RAB11FIP1: variants seen among roughly 807,000 people sequenced by gnomAD.
RAB11FIP1 encodes the protein RAB11 family interacting protein 1, also known as rab11 family-interacting protein 1.
A neutral mutation model predicts 83.1 loss-of-function variants in RAB11FIP1; 49 were observed. The ratio of observed to expected loss-of-function variants is 0.59; its 90% confidence interval spans 0.47 to 0.75. The LOEUF is 0.75. Among genes scored for constraint, RAB11FIP1 ranks in the 30% least tolerant of loss-of-function variants. The probability of loss-of-function intolerance (pLI) is 0.00; values close to 1 mark genes in which losing one functional copy is unlikely to be tolerated. For synonymous variants in RAB11FIP1, 670 were observed against 656.0 expected (o/e 1.02, Z -0.33); for missense variants, 1,536 against 1,598.7 (o/e 0.96, Z 0.67).
chr8:37,896,654 A>G (rs1395315143), intron 1 of RAB11FIP1, among the ~76,000 whole-genome samples: 1 of 152,214 alleles, frequency 6.6e-6, no homozygotes, highest in Non-Finnish European at 1.5e-5. Flanking sequence ...TTCCTGAAAA[A>G]AAGAGAGCTC....
At chr8:37,867,181 C>T (rs1306023316) in intron 5 of RAB11FIP1, among the ~76,000 whole-genome samples, 1 of 152,206 alleles carries the variant, frequency 6.6e-6, no homozygotes, top group Non-Finnish European at 1.5e-5. Context: ...CCCCAATTTT[C>T]ATTGCTGTCC....
At chr8:37,894,231 T>C (rs943037341) in intron 1 of RAB11FIP1, among the ~76,000 whole-genome samples, 3 of 152,230 alleles carry the variant, frequency 2.0e-5, no homozygotes, top group African/African-American at 7.2e-5. Flanking sequence ...CCTAAAGGTA[T>C]AAAAACAAAC....
rs1806192286 is a variant in RAB11FIP1, at chr8:37,859,437, C to G, written c.*3458G>C. On this transcript the variant is annotated 3_prime_UTR_variant, in exon 6 of 6. Coordinates refer to ENST00000330843, the MANE Select transcript of RAB11FIP1 (RefSeq NM_001002814.3). ...TTCTTCATACCGGCATGTGCACACA[C>G]ACCTGTATCTCCTTCATACAGGCAT... 6.6e-6 allele frequency: 1 copy of G among 152,226 alleles called. No individual in the cohort carries two copies. 9.4% of individuals were successfully genotyped at this position (152,226 alleles called of 1,614,324 possible).
rs769171713 is a variant in RAB11FIP1 at position 37,871,968 on chromosome 8, G to C, written c.2834C>G (p.Ser945Ter). 1 of 1,614,186 alleles carries C rather than the reference G, an allele frequency of 6.2e-7. No individual in the cohort carries two copies. The highest frequency in any genetic ancestry group is 8.5e-7 in the Non-Finnish European group (1 of 1,180,044). ...GGCCATGATTGGAGATTTAAAATCT[G>C]AGACCAACTGAAGGTCACTCAAGGG... ...SDPLSDLQLV[S>*]DFKSPIMADL... The change falls in exon 4 of 6, where the codon TCA (serine) becomes TGA (stop). Residue 945 changes from serine to a stop codon, truncating the protein, a stop_gained. Transcript: ENST00000330843. LOFTEE classifies it high-confidence loss of function.
At position 37,858,951 on chromosome 8, in the gene RAB11FIP1, T is replaced by G. The variant is rs1806180154; in HGVS notation, c.*3944A>C. On this transcript the variant is annotated 3_prime_UTR_variant, in exon 6 of 6. Transcript: ENST00000330843. ...ATACCAAACTACAGACACAAATCTT[T>G]GAAAGGTAAGTACCATTTTATTTAG... The G allele has an allele frequency of 6.6e-6, 1 of 152,156 alleles. No individual in the cohort carries two copies. Among genetic ancestry groups the G allele is most frequent in the Non-Finnish European group, 1.5e-5 (1 of 68,036 alleles). The allele number at this position is 152,156 out of a possible 1,614,324, so 9.4% of individuals were successfully genotyped here. A position where few individuals can be genotyped will look rare whatever the true frequency, so the allele number is the denominator to read the frequency against.
In RAB11FIP1 at chr8:37,872,701, G is replaced by T; in HGVS notation, c.2101C>A (p.Arg701=). Residue 701 remains arginine (R), a synonymous_variant, in exon 4 of 6, where the codon CGA becomes AGA. Coordinates refer to ENST00000330843, the MANE Select transcript of RAB11FIP1 (RefSeq NM_001002814.3). The part of the protein sequence containing the change: ...ESLPEQPETG[R]QEEELPRFPC... ...AATCTCGGAAGTTCTTCCTCTTGTC[G>T]CCCTGTTTCAGGCTGCTCTGGGAGA... 1 of 1,614,136 alleles carries T rather than the reference G, an allele frequency of 6.2e-7. No homozygotes were observed. The highest frequency in any genetic ancestry group is 8.5e-7 in the Non-Finnish European group (1 of 1,180,020).
rs895921946 is a variant in RAB11FIP1 at position 37,860,722 on chromosome 8, C to T, written c.*2173G>A. On this transcript the variant is annotated 3_prime_UTR_variant, in exon 6 of 6. Coordinates refer to ENST00000330843, the MANE Select transcript of RAB11FIP1 (RefSeq NM_001002814.3). ...TATGTAAATAAATTTCATAGCACTACAAAAATACAAGTCATCTGAGAAGTT... is the reference window on the plus strand; with the variant it reads ...TATGTAAATAAATTTCATAGCACTATAAAAATACAAGTCATCTGAGAAGTT... 6.6e-6 allele frequency: 1 copy of T among 152,578 alleles called. No homozygotes were observed. Among genetic ancestry groups the T allele is most frequent in the African/African-American group, 2.4e-5 (1 of 41,446 alleles). 9.5% of individuals were successfully genotyped at this position (152,578 alleles called of 1,614,324 possible).
chr8:37,881,316 A>G (rs919643978), intron 1 of RAB11FIP1, among the ~76,000 whole-genome samples: 3 of 152,168 alleles, frequency 2.0e-5, no homozygotes, highest in African/African-American at 7.2e-5. Flanking sequence ...TTTCCCCTAC[A>G]CCAAGACTCC....
Position 37,899,171 on chromosome 8 carries a change from T to C in RAB11FIP1, c.271A>G (p.Thr91Ala), listed in dbSNP as rs970321894. 6.4e-6 allele frequency: 10 copies of C among 1,559,004 alleles called. No individual in the cohort carries two copies. The African/African-American group carries it at 1.2e-4, about 19-fold the overall frequency. The change falls in exon 1 of 6, where the codon ACC becomes GCC. Residue 91 changes from threonine to alanine, a missense_variant. Thr to Ala is a moderately conservative substitution (Grantham distance 58, BLOSUM62 0). Coordinates refer to ENST00000330843, the MANE Select transcript of RAB11FIP1 (RefSeq NM_001002814.3). This position sits in a 1 kb window ranked among gnomAD's most constrained non-coding sequence, Gnocchi z 4.5. ...GPAAAATLQL[T>A]VLHRALLGLD... The stretch of plus-strand genomic sequence containing the variant: ...CCGAGCAGCGCGCGGTGCAGCACGG[T>C]GAGCTGCAGGGTGGCGGCGGCCGCG...
chr8:37,862,009 T>C lies in RAB11FIP1; in HGVS notation c.*886A>G, dbSNP rs942727556. 8 of 174,872 alleles carry C rather than the reference T, an allele frequency of 4.6e-5. No individual in the cohort carries two copies. The highest frequency in any genetic ancestry group is 1.1e-4 in the Admixed American group (2 of 18,108). The allele number at this position is 174,872 out of a possible 1,614,324, so 10.8% of individuals were successfully genotyped here. A position where few individuals can be genotyped will look rare whatever the true frequency, so the allele number is the denominator to read the frequency against. On this transcript the variant is annotated 3_prime_UTR_variant, in exon 6 of 6. Transcript: ENST00000330843. ...AGGGGGAAAAGGCCAAGCAATCGTA[T>C]TGACATCATTCCACACCTGGAGAAC... is the stretch of plus-strand genomic sequence containing the variant.
intron 1 of RAB11FIP1, among the ~76,000 whole-genome samples, chr8:37,889,126 A>G (rs1806896013): frequency 6.6e-6 from 1 of 152,140 alleles, no homozygotes; most frequent in African/African-American, 2.4e-5. Flanking sequence ...GAGAGATGTC[A>G]TGATCCTTAT....
At chr8:37,875,556 G>A (rs1303384706) in intron 2 of RAB11FIP1, among the ~76,000 whole-genome samples, 1 of 152,166 alleles carries the variant, frequency 6.6e-6, no homozygotes, top group South Asian at 2.1e-4. Flanking sequence ...TGCTGAGGTT[G>A]AGAAACTCTG....
intron 1 of RAB11FIP1, among the ~76,000 whole-genome samples, chr8:37,894,212 C>T (rs533170586): frequency 6.6e-6 from 1 of 152,222 alleles, no homozygotes; most frequent in African/African-American, 2.4e-5. Flanking sequence ...TCTAAATGTT[C>T]TTAGGAAACC....
Position 37,875,251 on chromosome 8 carries a change from T to C in RAB11FIP1, c.886A>G (p.Lys296Glu). 6.2e-7 allele frequency: 1 copy of C among 1,613,872 alleles called. No homozygotes were observed. Among genetic ancestry groups the C allele is most frequent in the Non-Finnish European group, 8.5e-7 (1 of 1,179,850 alleles). The change falls in exon 3 of 6, where the codon AAG (lysine) becomes GAG (glutamate). Residue 296 changes from lysine (K) to glutamate (E), a missense_variant. Transcript: ENST00000330843. ...CCACCAAGAAAGGAAAGTCCTTCCT[T>C]CTTGGGAAGGGTAAAGTTGACCTGG... is the stretch of plus-strand genomic sequence containing the variant. ...LNQVNFTLPKKEGLSFLGGLR... is the reference protein window; with the variant it reads ...LNQVNFTLPKEEGLSFLGGLR...
Position 37,899,172 on chromosome 8 carries a change from G to A in RAB11FIP1, c.270C>T (p.Leu90=). 6.4e-7 allele frequency: 1 copy of A among 1,559,438 alleles called. No homozygotes were observed. Among genetic ancestry groups the A allele is most frequent in the Non-Finnish European group, 8.6e-7 (1 of 1,161,028 alleles). Residue 90 remains leucine (L), a synonymous_variant, in exon 1 of 6, where the codon CTC becomes CTT. Transcript: ENST00000330843. This position sits in a 1 kb window ranked among gnomAD's most constrained non-coding sequence, Gnocchi z 4.5. ...SGPAAAATLQ[L]TVLHRALLGL... is the part of the protein sequence containing the mutation. ...CGAGCAGCGCGCGGTGCAGCACGGTGAGCTGCAGGGTGGCGGCGGCCGCGG... is the reference window on the plus strand; with the variant it reads ...CGAGCAGCGCGCGGTGCAGCACGGTAAGCTGCAGGGTGGCGGCGGCCGCGG...
Position 37,860,819 on chromosome 8 carries a change from G to A in RAB11FIP1, c.*2076C>T, listed in dbSNP as rs150822715. On this transcript the variant is annotated 3_prime_UTR_variant, in exon 6 of 6. Coordinates refer to ENST00000330843, the MANE Select transcript of RAB11FIP1 (RefSeq NM_001002814.3). ...GCTGTAGATAATTAAAAGCTAATTA[G>A]ATAAATCAAGTTACAGTATCATCCT... The A allele has an allele frequency of 4.6e-5, 7 of 152,756 alleles. No individual in the cohort carries two copies. In the East Asian group the frequency reaches 1.3e-3, roughly 29 times the overall value. 9.5% of individuals were successfully genotyped at this position (152,756 alleles called of 1,614,324 possible).
intron 1 of RAB11FIP1, among the ~76,000 whole-genome samples, chr8:37,883,673 T>G (rs1806767825): frequency 6.6e-6 from 1 of 152,240 alleles, no homozygotes; most frequent in Non-Finnish European, 1.5e-5. Flanking sequence ...ACTGCCCATG[T>G]GTTTTTCAGT....
rs769476934 is a variant in RAB11FIP1, at chr8:37,862,943, A to G, written c.3804T>C (p.Asn1268=). Residue 1268 remains asparagine, a synonymous_variant, in exon 6 of 6, where the codon AAT becomes AAC. Coordinates refer to ENST00000330843, the MANE Select transcript of RAB11FIP1 (RefSeq NM_001002814.3). The stretch of plus-strand genomic sequence containing the variant: ...CAACCTGAGTCGGGATGCGGAGGAT[A>G]TTGGGGGTTTCTTCCATGACCCTGA... ...LLVRVMEETP[N]ILRIPTQVGK... 1.2e-6 allele frequency: 2 copies of G among 1,613,644 alleles called. No homozygotes were observed. Among genetic ancestry groups the G allele is most frequent in the South Asian group, 1.1e-5 (1 of 91,062 alleles).
At position 37,873,020 on chromosome 8, in the gene RAB11FIP1, G is replaced by T. The variant is rs747491998; in HGVS notation, c.1782C>A (p.Val594=). The T allele has an allele frequency of 6.2e-7, 1 of 1,614,132 alleles. No homozygotes were observed. Among genetic ancestry groups the T allele is most frequent in the Non-Finnish European group, 8.5e-7 (1 of 1,180,012 alleles). The part of the protein sequence containing the change: ...ADTQSSESPS[V]FSSLSSPIAA... Reference sequence around the variant, plus strand: ...CTATGGGAGATGAGAGAGAGGAGAAGACAGAAGGACTCTCAGAGGACTGTG... The same window carrying T: ...CTATGGGAGATGAGAGAGAGGAGAATACAGAAGGACTCTCAGAGGACTGTG... Residue 594 remains valine, a synonymous_variant, in exon 4 of 6, where the codon GTC becomes GTA. Transcript: ENST00000330843.
Sources: allele counts gnomAD v4.1 joint callset (sites outside exome capture counted in the v4.1 genomes callset), GRCh38; gene constraint gnomAD v4.1.1; non-coding constraint Gnocchi (gnomAD v3.1); transcripts MANE v1.5; gene names NCBI Gene and HGNC (gene_info 2026-07-23, HGNC 2026-07-21).